The following DLG1 variants were observed in gnomAD, a reference collection of about 807,000 sequenced individuals.
DLG1 encodes disks large homolog 1.
A neutral mutation model predicts 123.4 loss-of-function variants in DLG1; 42 were observed. The ratio of observed to expected loss-of-function variants is 0.34; its 90% CI spans 0.27 to 0.44. The LOEUF (loss-of-function observed/expected upper bound fraction) is 0.44. DLG1 is among the 20% of genes least tolerant of loss of function. DLG1 has a pLI of 1.00. For synonymous variants in DLG1, 317 were observed against 356.2 expected, an observed-to-expected ratio of 0.89 and a Z score of 1.24; for missense variants, 942 against 1,082.6, an observed-to-expected ratio of 0.87 and a Z score of 1.82.
intron 4 of DLG1, among the ~76,000 whole-genome samples, chr3:197,223,483 C>T (rs1045895648): frequency 3.9e-5 from 6 of 152,156 alleles, no homozygotes; most frequent in Non-Finnish European, 7.4e-5. Context: ...TAATTTCCAA[C>T]AAACAAGGTG....
intron 4 of DLG1, among the ~76,000 whole-genome samples, chr3:197,274,655 C>T (rs1019053362): frequency 6.6e-6 from 1 of 152,026 alleles, no homozygotes; most frequent in African/African-American, 2.4e-5. Flanking sequence ...AGATCCTGTA[C>T]AGCAAAGGAA....
chr3:197,075,513 T>A (rs576589090), intron 18 of DLG1, among the ~76,000 whole-genome samples: 14 of 152,058 alleles, frequency 9.2e-5, no homozygotes, highest in African/African-American at 3.1e-4. Flanking sequence ...ATTCTAATAA[T>A]GAGGGTACAT....
At chr3:197,190,152 T>C (rs920510548) in intron 5 of DLG1, among the ~76,000 whole-genome samples, 4 of 152,140 alleles carry the variant, frequency 2.6e-5, no homozygotes, top group African/African-American at 9.7e-5. Flanking sequence ...GCAGTGAAAA[T>C]CTTAAAGTAT....
chr3:197,046,882 A>AAGAC (rs1226751870), intron 24 of DLG1, among the ~76,000 whole-genome samples: 3 of 151,804 alleles, frequency 2.0e-5, no homozygotes, highest in Non-Finnish European at 1.5e-5. Flanking sequence ...AAAAAAACAA[A>AAGAC]AGACAAAAAA....
In DLG1 at chr3:197,127,441, AAAAAAAAAAAAAAAAAATATATATAT is replaced by A. The variant is rs1303026624; in HGVS notation, c.1165+3060_1165+3085del. Among the ~76,000 whole-genome samples the A allele has an allele frequency of 1.4e-3, 53 of 37,458 alleles. 1 individual carries two copies. Among genetic ancestry groups the A allele is most frequent in the East Asian group, 3.8e-3 (7 of 1,844 alleles). The allele number at this position is 37,458 out of a possible 152,430, so 24.6% of individuals were successfully genotyped here. On this transcript the variant is annotated intron_variant, in intron 11 of 24. Transcript: ENST00000667157. ...CTGTCTCCAAAAAAAAAAAAAAAAAAAAAAAAAAAAAAAAAAATATATATATATATATATATATATATATATATATA... is the reference window on the plus strand; with the variant it reads ...CTGTCTCCAAAAAAAAAAAAAAAAAAATATATATATATATATATATATATA...
intron 5 of DLG1, among the ~76,000 whole-genome samples, chr3:197,175,088 T>TTGCGTG (rs1309744391): frequency 3.3e-5 from 5 of 152,206 alleles, no homozygotes; most frequent in Admixed American, 2.0e-4. Context: ...GAGGGGCAAG[T>TTGCGTG]TGCGTGTATA....
intron 5 of DLG1, among the ~76,000 whole-genome samples, chr3:197,166,971 G>A (rs925011327): frequency 3.9e-5 from 6 of 152,078 alleles, no homozygotes; most frequent in African/African-American, 1.4e-4. Flanking sequence ...TCCAGTGCTA[G>A]AGCTCAGCAA....
At chr3:197,267,126 G>A (rs919678036) in intron 4 of DLG1, among the ~76,000 whole-genome samples, 1 of 152,160 alleles carries the variant, frequency 6.6e-6, no homozygotes, top group Non-Finnish European at 1.5e-5. Context: ...CTTACACTAT[G>A]TTATCTTCTT....
intron 11 of DLG1, among the ~76,000 whole-genome samples, chr3:197,128,139 T>G (rs11707022): frequency 3.1e-4 from 47 of 152,082 alleles, no homozygotes; most frequent in African/African-American, 1.1e-3. Context: ...TGCTGGTTTG[T>G]TAGCATTTTA....
intron 18 of DLG1, among the ~76,000 whole-genome samples, chr3:197,074,701 G>A (rs561489067): frequency 1.3e-5 from 2 of 152,092 alleles, no homozygotes; most frequent in African/African-American, 4.8e-5. Flanking sequence ...TCCTATAAAG[G>A]CACATGCAAA....
Position 197,213,307 on chromosome 3 carries a change from A to C in DLG1, c.319-18718T>G, listed in dbSNP as rs181219670. Among the ~76,000 whole-genome samples the C allele has an allele frequency of 1.5e-3, 232 of 152,346 alleles. 2 individuals are homozygous for C. Among genetic ancestry groups the C allele is most frequent in the Middle Eastern group, 3.4e-3 (1 of 294 alleles). On this transcript the variant is annotated intron_variant, in intron 4 of 24. Transcript: ENST00000667157. ...ATTAGGAGCTTTTTTTTAAAAAGACACTAAAGAGTCTTACTGTATGAATCC... is the reference window on the plus strand; with the variant it reads ...ATTAGGAGCTTTTTTTTAAAAAGACCCTAAAGAGTCTTACTGTATGAATCC...
intron 24 of DLG1, among the ~76,000 whole-genome samples, chr3:197,050,191 C>T (rs552780629): frequency 3.9e-5 from 6 of 151,998 alleles, no homozygotes; most frequent in Non-Finnish European, 8.8e-5. Flanking sequence ...CATGGTGAAA[C>T]CCCATCTCTA....
intron 11 of DLG1, among the ~76,000 whole-genome samples, chr3:197,125,828 C>T (rs1778772867): frequency 6.6e-6 from 1 of 152,068 alleles, no homozygotes; most frequent in South Asian, 2.1e-4. Context: ...AATGGGCCTT[C>T]GCACTAAAGT....
At chr3:197,231,345 A>AT (rs1340378797) in intron 4 of DLG1, among the ~76,000 whole-genome samples, 2 of 152,254 alleles carry the variant, frequency 1.3e-5, no homozygotes. Context: ...CATTTCTGTT[A>AT]TAAGTAGGCT....
At chr3:197,112,863 T>C (rs1024563876) in intron 13 of DLG1, among the ~76,000 whole-genome samples, 44 of 152,328 alleles carry the variant, frequency 2.9e-4, no homozygotes, top group African/African-American at 9.4e-4. Flanking sequence ...CCTGAGTTAC[T>C]GGGATTATAA....
intron 4 of DLG1, among the ~76,000 whole-genome samples, chr3:197,253,118 G>C (rs771884315): frequency 1.3e-5 from 2 of 152,046 alleles, no homozygotes; most frequent in Non-Finnish European, 2.9e-5. Context: ...CTTAAAGAAA[G>C]GATGAAAAGA....
intron 13 of DLG1, among the ~76,000 whole-genome samples, chr3:197,108,249 G>T (rs1767739841): frequency 6.6e-6 from 1 of 152,082 alleles, no homozygotes; most frequent in Admixed American, 6.6e-5. Flanking sequence ...TGGGATATTG[G>T]TTTGTAATTT....
chr3:197,183,450 A>T, intron 5 of DLG1: 1 of 870,720 alleles, frequency 1.1e-6, no homozygotes, highest in South Asian at 1.8e-5. Flanking sequence ...GACAGAAAAC[A>T]TACATTTCTA....
At chr3:197,245,903 G>GA (rs1387735505) in intron 4 of DLG1, among the ~76,000 whole-genome samples, 1 of 142,034 alleles carries the variant, frequency 7.0e-6, no homozygotes, top group African/African-American at 2.6e-5. Flanking sequence ...TTTTTTTTGG[G>GA]GGGGGGGGAG....
Sources: gnomAD v4.1 joint callset for allele counts (sites outside exome capture counted in the v4.1 genomes callset) on GRCh38, gnomAD v4.1.1 for gene constraint, MANE v1.5 for transcripts, NCBI Gene and HGNC (gene_info 2026-07-23, HGNC 2026-07-21) for gene names.